SPOPL: variants seen among roughly 807,000 people sequenced by gnomAD.
SPOPL encodes speckle type BTB/POZ protein like.
Under a neutral mutation model 53.8 loss-of-function variants are expected in SPOPL, and 23 were observed. The observed-to-expected ratio is 0.43, with a 90% CI of 0.31 to 0.61. The LOEUF is 0.61. Among genes scored for constraint, SPOPL ranks in the 20% least tolerant of loss-of-function variants. The probability of loss-of-function intolerance (pLI) is 0.12; values close to 1 mark genes in which losing one functional copy is unlikely to be tolerated. For synonymous variants in SPOPL, 164 were observed against 149.7 expected, an observed-to-expected ratio of 1.10 and a Z score of -0.70; for missense variants, 442 against 466.9, an observed-to-expected ratio of 0.95 and a Z score of 0.49.
At chr2:138,558,505 C>T (rs1422362753) in intron 5 of SPOPL, among the ~76,000 whole-genome samples, 3 of 152,104 alleles carry the variant, frequency 2.0e-5, no homozygotes, top group African/African-American at 7.2e-5. Flanking sequence ...AGAAGTGAAA[C>T]ATTAGGAATA....
At chr2:138,532,596 T>A (rs1012900488) in intron 1 of SPOPL, among the ~76,000 whole-genome samples, 3 of 143,668 alleles carry the variant, frequency 2.1e-5, no homozygotes, top group Non-Finnish European at 4.6e-5. Context: ...CCGGCTAATT[T>A]TTTTTTTTTT....
intron 1 of SPOPL, among the ~76,000 whole-genome samples, chr2:138,536,659 T>G (rs573106594): frequency 6.6e-6 from 1 of 152,306 alleles, no homozygotes; most frequent in South Asian, 2.1e-4. Flanking sequence ...CTGTTTTTTT[T>G]TGGGCAAATC....
At chr2:138,528,595 T>G (rs2104870966) in intron 1 of SPOPL, among the ~76,000 whole-genome samples, 1 of 152,358 alleles carries the variant, frequency 6.6e-6, no homozygotes, top group East Asian at 1.9e-4. Context: ...TGCATTTTTC[T>G]CAAAGTTCCG....
intron 1 of SPOPL, among the ~76,000 whole-genome samples, chr2:138,539,534 T>C (rs915817526): frequency 1.1e-4 from 17 of 152,256 alleles, no homozygotes; most frequent in African/African-American, 3.6e-4. Flanking sequence ...GTCTGTTGGC[T>C]GCATAAATGT....
intron 1 of SPOPL, among the ~76,000 whole-genome samples, chr2:138,536,533 C>T (rs1684940393): frequency 6.6e-6 from 1 of 152,206 alleles, no homozygotes; most frequent in Admixed American, 6.5e-5. Flanking sequence ...TGCCCTGGGG[C>T]ATTATGTTGT....
rs190041065 is a variant in SPOPL, at chr2:138,556,858, G to T, written c.481-2164G>T. ...TCAGAAAAATATTGTACGAAGAGCC[G>T]TAAAGAAAGGAATCTGGGCCAGGCA... On this transcript the variant is annotated intron_variant, in intron 5 of 10. Coordinates refer to ENST00000280098, the MANE Select transcript of SPOPL (RefSeq NM_001001664.3). 4.4e-4 allele frequency among the ~76,000 whole-genome samples: 67 copies of T among 152,114 alleles called. 1 individual carries two copies. In the East Asian group the frequency reaches 9.9e-3, roughly 22 times the overall value.
chr2:138,555,287 C>T (rs1008588755), intron 5 of SPOPL, among the ~76,000 whole-genome samples: 1 of 152,110 alleles, frequency 6.6e-6, no homozygotes, highest in Non-Finnish European at 1.5e-5. Flanking sequence ...AACATTGTTG[C>T]ATTGGGTATT....
chr2:138,522,301 C>A (rs920068815), intron 1 of SPOPL, among the ~76,000 whole-genome samples: 4 of 152,148 alleles, frequency 2.6e-5, no homozygotes, highest in Non-Finnish European at 5.9e-5. Flanking sequence ...CAACCTGATA[C>A]AATTGACTGA....
chr2:138,516,948 A>G (rs1684450383), intron 1 of SPOPL, among the ~76,000 whole-genome samples: 1 of 152,212 alleles, frequency 6.6e-6, no homozygotes, highest in Non-Finnish European at 1.5e-5. Flanking sequence ...CTATTTAGGT[A>G]CTTTATAAAT....
intron 1 of SPOPL, among the ~76,000 whole-genome samples, chr2:138,513,982 A>G (rs141489667): frequency 6.6e-6 from 1 of 152,234 alleles, no homozygotes; most frequent in East Asian, 1.9e-4. Flanking sequence ...TTTTAAGTAA[A>G]CTTTTGAAGT....
intron 1 of SPOPL, among the ~76,000 whole-genome samples, chr2:138,538,742 CT>C (rs796610504): frequency 0.021 from 2,983 of 144,364 alleles, 97 homozygotes; most frequent in African/African-American, 0.07. Context: ...TAGCTGTTTT[CT>C]TTTTTTTTTT....
At chr2:138,512,076 A>G (rs1684335988) in intron 1 of SPOPL, among the ~76,000 whole-genome samples, 1 of 152,204 alleles carries the variant, frequency 6.6e-6, no homozygotes. Flanking sequence ...TTAAAACAGT[A>G]TTGTTTCTGA....
intron 4 of SPOPL, 143 bp downstream of exon 4, chr2:138,551,197 A>G: frequency 1.1e-6 from 1 of 882,970 alleles, no homozygotes; most frequent in Non-Finnish European, 1.7e-6. Flanking sequence ...CATTATTTAA[A>G]TCCAGCATAG....
At chr2:138,556,053 A>G (rs1317347568) in intron 5 of SPOPL, among the ~76,000 whole-genome samples, 1 of 152,174 alleles carries the variant, frequency 6.6e-6, no homozygotes, top group Non-Finnish European at 1.5e-5. Context: ...GTGTCAAGAA[A>G]ATAATCAGAA....
chr2:138,564,889 A>G (rs1482019502), intron 9 of SPOPL, 39 bp downstream of exon 9: 1 of 1,613,788 alleles, frequency 6.2e-7, no homozygotes, highest in Non-Finnish European at 8.5e-7. Context: ...TGACAACTTC[A>G]ATATTTTTTC....
chr2:138,507,399 T>TGAACGTTC (rs1684237856), intron 1 of SPOPL, among the ~76,000 whole-genome samples: 1 of 152,212 alleles, frequency 6.6e-6, no homozygotes, highest in Non-Finnish European at 1.5e-5. Context: ...ATTCAGAGAC[T>TGAACGTTC]AGGGACCATG....
chr2:138,515,929 T>A (rs1358326676), intron 1 of SPOPL, among the ~76,000 whole-genome samples: 1 of 152,208 alleles, frequency 6.6e-6, no homozygotes, highest in African/African-American at 2.4e-5. Flanking sequence ...AAGTATTTAC[T>A]GATTATTGCT....
chr2:138,572,547 TGAA>T lies in SPOPL; in HGVS notation c.*3470_*3472del. 6.6e-6 allele frequency: 1 copy of T among 152,526 alleles called. No homozygotes were observed. The highest frequency in any genetic ancestry group is 1.5e-5 in the Non-Finnish European group (1 of 68,004). The allele number at this position is 152,526 out of a possible 1,614,324, so 9.4% of individuals were successfully genotyped here. On this transcript the variant is annotated 3_prime_UTR_variant, in exon 11 of 11. Coordinates refer to ENST00000280098, the MANE Select transcript of SPOPL (RefSeq NM_001001664.3). ...TACTTGGCTTAGAGCCAAGTATACT[TGAA>T]GAGGTGAATTATTCTGACTTGGACA...
chr2:138,502,718 A>G (rs574733510), intron 1 of SPOPL, among the ~76,000 whole-genome samples: 139 of 152,264 alleles, frequency 9.1e-4, no homozygotes, highest in Middle Eastern at 3.4e-3. Flanking sequence ...GAGTACATCA[A>G]GCTAACCGCG....
Sources: allele counts gnomAD v4.1 joint callset (sites outside exome capture counted in the v4.1 genomes callset), GRCh38; gene constraint gnomAD v4.1.1; transcripts MANE v1.5; gene names NCBI Gene and HGNC (gene_info 2026-07-23, HGNC 2026-07-21).